LRRIQ1: variants seen among roughly 807,000 people sequenced by gnomAD.
The protein encoded by LRRIQ1 is leucine-rich repeat- and IQ domain-containing protein 1.
LRRIQ1 carries 210 observed loss-of-function variants against 211.9 expected under a neutral mutation model. The ratio of observed to expected loss-of-function variants is 0.99; its 90% confidence interval spans 0.89 to 1.11. LRRIQ1 has a LOEUF of 1.11. Among genes scored for constraint, LRRIQ1 ranks in the 50% most tolerant of loss-of-function variants. LRRIQ1 has a pLI of 0.00. For missense variants in LRRIQ1, 2,136 were observed against 1,939.5 expected (o/e 1.10, Z -1.90); for synonymous variants, 699 against 650.1 (o/e 1.08, Z -1.14).
intron 11 of LRRIQ1, among the ~76,000 whole-genome samples, chr12:85,094,709 T>A (rs762909274): frequency 6.6e-6 from 1 of 152,152 alleles, no homozygotes; most frequent in Non-Finnish European, 1.5e-5. Flanking sequence ...TTGGGCAGTA[T>A]GGCCATGTTA....
At chr12:85,116,350 T>C (rs952827203) in intron 15 of LRRIQ1, among the ~76,000 whole-genome samples, 2 of 152,054 alleles carry the variant, frequency 1.3e-5, no homozygotes, top group Non-Finnish European at 2.9e-5. Context: ...TTCATTGTGT[T>C]AGCCAGGCTG....
Position 85,106,616 on chromosome 12 carries a change from G to A in LRRIQ1, c.3377+1G>A, listed in dbSNP as rs1045565732. 6.2e-7 allele frequency: 1 copy of A among 1,600,062 alleles called. No homozygotes were observed. The highest frequency in any genetic ancestry group is 8.6e-7 in the Non-Finnish European group (1 of 1,168,374). On this transcript the variant is annotated splice_donor_variant, in intron 15 of 26. Transcript: ENST00000393217. LOFTEE classifies it high-confidence loss of function. ...CACTTCTTCAAGAAACAAACTGGAGGTAAAGAGGCATTGTTGCACCCCATG... is the reference window on the plus strand; with the variant it reads ...CACTTCTTCAAGAAACAAACTGGAGATAAAGAGGCATTGTTGCACCCCATG...
chr12:85,263,440 A>G (rs1247370735), exon 2 of LRRIQ1: 1 of 152,092 alleles, frequency 6.6e-6, no homozygotes, highest in African/African-American at 2.4e-5. Context: ...TTAATGTAGC[A>G]ATAATGATTA....
At position 85,127,889 on chromosome 12, in the gene LRRIQ1, T is replaced by G; in HGVS notation, c.4065T>G (p.Thr1355=). The G allele has an allele frequency of 1.9e-6, 3 of 1,614,062 alleles. No homozygotes were observed. Among genetic ancestry groups the G allele is most frequent in the Non-Finnish European group, 2.5e-6 (3 of 1,180,014 alleles). Residue 1355 remains threonine (T), a synonymous_variant, in exon 18 of 27, where the codon ACT becomes ACG. Coordinates refer to ENST00000393217, the MANE Select transcript of LRRIQ1 (RefSeq NM_001079910.2). ...YWRGYLMRRQ[T]HFSTRLHTAA... is the part of the protein sequence containing the mutation. ...GTGGTTACCTCATGCGCAGACAGAC[T>G]CATTTCTCCACAAGGCTACATACTG... is the stretch of plus-strand genomic sequence containing the variant.
chr12:85,188,453 T>C (rs1488212395), intron 24 of LRRIQ1, among the ~76,000 whole-genome samples: 1 of 152,102 alleles, frequency 6.6e-6, no homozygotes, highest in East Asian at 1.9e-4. Flanking sequence ...AGGTGATAGG[T>C]GGCAAATAAT....
At chr12:85,166,463 T>G (rs896053635) in intron 24 of LRRIQ1, among the ~76,000 whole-genome samples, 2 of 152,266 alleles carry the variant, frequency 1.3e-5, no homozygotes, top group African/African-American at 4.8e-5. Context: ...TGTTTAAATA[T>G]TGAATGTATT....
At chr12:85,046,421 C>A (rs1428668523) in intron 5 of LRRIQ1, among the ~76,000 whole-genome samples, 2 of 152,168 alleles carry the variant, frequency 1.3e-5, no homozygotes, top group Non-Finnish European at 2.9e-5. Context: ...CTTAATGACA[C>A]ACATACACAC....
At chr12:85,256,829 T>G (rs1041608921) in intron 1 of LRRIQ1, among the ~76,000 whole-genome samples, 1 of 150,364 alleles carries the variant, frequency 6.7e-6, no homozygotes, top group Non-Finnish European at 1.5e-5. Flanking sequence ...TTAAATTAAA[T>G]TTTTCAAAGA....
intron 24 of LRRIQ1, among the ~76,000 whole-genome samples, chr12:85,190,016 A>G (rs899472504): frequency 2.1e-5 from 3 of 141,926 alleles, no homozygotes; most frequent in South Asian, 4.4e-4. Context: ...AATATGTTAT[A>G]ATTTTAATTA....
intron 11 of LRRIQ1, 49 bp downstream of exon 11, chr12:85,073,147 G>A (rs771349527): frequency 1.5e-6 from 2 of 1,354,178 alleles, no homozygotes; most frequent in East Asian, 2.4e-5. Flanking sequence ...GATTTCTAGA[G>A]GAGGTATGGG....
intron 1 of LRRIQ1, among the ~76,000 whole-genome samples, chr12:85,262,550 ATAAT>A (rs1325910747): frequency 4.6e-5 from 7 of 151,928 alleles, no homozygotes; most frequent in Admixed American, 6.6e-5. Flanking sequence ...AATAATATAA[ATAAT>A]TATAGCAATT....
At chr12:85,148,911 CT>C (rs905441248) in intron 19 of LRRIQ1, among the ~76,000 whole-genome samples, 2 of 151,826 alleles carry the variant, frequency 1.3e-5, no homozygotes, top group African/African-American at 2.4e-5. Context: ...TAATGTTGAA[CT>C]TTTTTTTATA....
chr12:85,153,856 T>A, intron 22 of LRRIQ1, 98 bp downstream of exon 22: 2 of 962,896 alleles, frequency 2.1e-6, no homozygotes. Context: ...CCTATATTAG[T>A]TTTTTATAAA....
At chr12:85,101,560 C>T (rs1886347128) in intron 13 of LRRIQ1, among the ~76,000 whole-genome samples, 2 of 151,706 alleles carry the variant, frequency 1.3e-5, no homozygotes, top group Admixed American at 6.6e-5. Context: ...TCACTAATGT[C>T]CTTTGTCTTT....
At position 85,066,762 on chromosome 12, in the gene LRRIQ1, G is replaced by C; in HGVS notation, c.2559G>C (p.Glu853Asp). Residue 853 changes from glutamate (E) to aspartate (D), a missense_variant, in exon 10 of 27, where the codon GAG (glutamate) becomes GAC (aspartate). Physicochemically the swap from Glu to Asp is conservative, Grantham distance 45. Transcript: ENST00000393217. The stretch of plus-strand genomic sequence containing the variant: ...CTTTGCTTCAGGAAAACCATATTGA[G>C]GCTATTGAGTGTGAAAATTTGGAAA... Reference protein sequence around the residue: ...KYIDAQENHIEAIECENLENL... With the variant: ...KYIDAQENHIDAIECENLENL... 6.3e-7 allele frequency: 1 copy of C among 1,592,952 alleles called. No individual in the cohort carries two copies. The highest frequency in any genetic ancestry group is 8.5e-7 in the Non-Finnish European group (1 of 1,171,794).
chr12:85,077,463 G>A (rs913927664), intron 11 of LRRIQ1, among the ~76,000 whole-genome samples: 4 of 152,100 alleles, frequency 2.6e-5, no homozygotes, highest in Non-Finnish European at 5.9e-5. Flanking sequence ...CCTTTGAAAA[G>A]GCTCTTTAAT....
chr12:85,059,354 T>C (rs536492109), intron 8 of LRRIQ1, among the ~76,000 whole-genome samples: 1 of 152,030 alleles, frequency 6.6e-6, no homozygotes, highest in Non-Finnish European at 1.5e-5. Flanking sequence ...CAAGTTACAA[T>C]GAAGTTACAT....
At chr12:85,215,858 G>T (rs1894053678) in intron 24 of LRRIQ1, among the ~76,000 whole-genome samples, 1 of 152,078 alleles carries the variant, frequency 6.6e-6, no homozygotes, top group Non-Finnish European at 1.5e-5. Flanking sequence ...TTGAACAAAT[G>T]AAAACAAAAT....
chr12:85,243,201 G>GTT (rs11397838), intron 26 of LRRIQ1, among the ~76,000 whole-genome samples: 11 of 139,338 alleles, frequency 7.9e-5, no homozygotes, highest in Admixed American at 2.2e-4. Context: ...ACTTTTGACT[G>GTT]TTTTTTTTTT....
Sources: allele counts gnomAD v4.1 joint callset (sites outside exome capture counted in the v4.1 genomes callset), GRCh38; gene constraint gnomAD v4.1.1; transcripts MANE v1.5; gene names NCBI Gene and HGNC (gene_info 2026-07-23, HGNC 2026-07-21).